Variants in PACRG observed in about 807,000 individuals in gnomAD.
PACRG encodes the protein parkin coregulated gene protein.
A neutral mutation model predicts 29.7 loss-of-function variants in PACRG; 29 were observed. The observed-to-expected ratio is 0.98, with a 90% CI of 0.73 to 1.33. The LOEUF (loss-of-function observed/expected upper bound fraction) is 1.33, where lower values mean the gene tolerates loss of function less well. Ranked by LOEUF, PACRG falls within the 40% of genes most tolerant of loss-of-function variation. PACRG has a pLI of 0.00. For synonymous variants in PACRG, 116 were observed against 118.7 expected (o/e 0.98, Z 0.15); for missense variants, 279 against 316.2 (o/e 0.88, Z 0.89).
chr6:162,995,081 G>A (rs961693656), intron 2 of PACRG, among the ~76,000 whole-genome samples: 1 of 151,262 alleles, frequency 6.6e-6, no homozygotes, highest in African/African-American at 2.5e-5. Flanking sequence ...ACCCACTTGA[G>A]GAGGCAGTCC....
intron 2 of PACRG, among the ~76,000 whole-genome samples, chr6:162,923,362 A>C (rs1329904616): frequency 6.6e-6 from 1 of 152,076 alleles, no homozygotes; most frequent in African/African-American, 2.4e-5. Context: ...TTAGTTTGAT[A>C]AAGTCCCATT....
Position 162,963,479 on chromosome 6 carries a change from C to T in PACRG, c.292-98671C>T, listed in dbSNP as rs140333246. 1.9e-3 allele frequency among the ~76,000 whole-genome samples: 284 copies of T among 151,730 alleles called. 1 individual carries two copies. Among genetic ancestry groups the T allele is most frequent in the African/African-American group, 6.4e-3 (265 of 41,448 alleles). On this transcript the variant is annotated intron_variant, in intron 2 of 4. Coordinates refer to ENST00000366888, the MANE Select transcript of PACRG (RefSeq NM_001080379.2). Reference sequence around the variant, plus strand: ...ATAAAACAGAAGTACCCAGAATTAACATTTTAATATATAGTATGTCTATTT... The same window carrying T: ...ATAAAACAGAAGTACCCAGAATTAATATTTTAATATATAGTATGTCTATTT...
At chr6:162,782,211 G>C (rs1007373742) in intron 1 of PACRG, among the ~76,000 whole-genome samples, 3 of 151,880 alleles carry the variant, frequency 2.0e-5, no homozygotes, top group African/African-American at 7.2e-5. Context: ...TCAAGAAGAT[G>C]TAACAATTCT....
At chr6:163,169,469 G>A (rs1778964748) in intron 4 of PACRG, among the ~76,000 whole-genome samples, 3 of 152,222 alleles carry the variant, frequency 2.0e-5, no homozygotes, top group African/African-American at 7.2e-5. Context: ...GGTTCAGGAC[G>A]AGAGGTGCGG....
chr6:163,061,866 G>A (rs1234428618), intron 2 of PACRG, among the ~76,000 whole-genome samples: 3 of 152,186 alleles, frequency 2.0e-5, no homozygotes, highest in Admixed American at 6.5e-5. Flanking sequence ...AAATGGTAAC[G>A]AATTAACAAA....
chr6:162,842,374 C>G (rs1789868395), intron 2 of PACRG, among the ~76,000 whole-genome samples: 1 of 148,006 alleles, frequency 6.8e-6, no homozygotes. Context: ...CTCTTTTGAT[C>G]TTTGTTGGTT....
intron 4 of PACRG, among the ~76,000 whole-genome samples, chr6:163,268,590 C>T (rs138325767): frequency 5.8e-4 from 88 of 152,132 alleles, no homozygotes; most frequent in Non-Finnish European, 9.6e-4. Flanking sequence ...GTTTGCTGTT[C>T]ATACTTTTTC....
intron 4 of PACRG, among the ~76,000 whole-genome samples, chr6:163,100,336 G>T (rs548705): frequency 1.1e-4 from 16 of 151,976 alleles, no homozygotes; most frequent in Non-Finnish European, 2.4e-4. Flanking sequence ...TGCACTGATC[G>T]CCCGGCGTGC....
At chr6:163,074,407 G>A (rs1193439103) in intron 3 of PACRG, among the ~76,000 whole-genome samples, 1 of 152,162 alleles carries the variant, frequency 6.6e-6, no homozygotes, top group African/African-American at 2.4e-5. Context: ...AGAGTAGAAG[G>A]ATGGTTACCA....
intron 4 of PACRG, among the ~76,000 whole-genome samples, chr6:163,221,190 C>T (rs1286542194): frequency 1.3e-5 from 2 of 152,160 alleles, no homozygotes; most frequent in Non-Finnish European, 2.9e-5. Context: ...AAAATAAATA[C>T]TCTATTTCCC....
intron 2 of PACRG, among the ~76,000 whole-genome samples, chr6:162,922,719 C>T (rs1210178873): frequency 6.6e-6 from 1 of 152,142 alleles, no homozygotes; most frequent in Non-Finnish European, 1.5e-5. Flanking sequence ...CCTCCAGGCT[C>T]ATCCATGTTG....
chr6:162,910,477 G>A (rs1272861523), intron 2 of PACRG, among the ~76,000 whole-genome samples: 1 of 152,060 alleles, frequency 6.6e-6, no homozygotes, highest in East Asian at 1.9e-4. Context: ...GCTCACTACT[G>A]CTAAGCTGTA....
At chr6:162,955,499 C>G (rs2128136289) in intron 2 of PACRG, among the ~76,000 whole-genome samples, 1 of 152,202 alleles carries the variant, frequency 6.6e-6, no homozygotes, top group Non-Finnish European at 1.5e-5. Flanking sequence ...CCGGGTTTGC[C>G]CATGTTGGCC....
intron 4 of PACRG, among the ~76,000 whole-genome samples, chr6:163,116,594 G>A (rs1179159145): frequency 1.3e-5 from 2 of 152,046 alleles, no homozygotes; most frequent in Admixed American, 6.5e-5. Context: ...AAATGAAAAT[G>A]TTAGCCATGG....
intron 1 of PACRG, among the ~76,000 whole-genome samples, chr6:162,745,564 A>G (rs543053121): frequency 6.6e-6 from 1 of 152,332 alleles, no homozygotes; most frequent in East Asian, 1.9e-4. Flanking sequence ...AAAATAAAAT[A>G]AAAATCTCTA....
Position 163,314,944 on chromosome 6 carries a change from T to G in PACRG, c.731T>G (p.Ile244Ser), listed in dbSNP as rs774745793. The change falls in exon 5 of 5, where the codon ATT becomes AGT. Residue 244 changes from isoleucine (I) to serine (S), a missense_variant. Coordinates refer to ENST00000366888, the MANE Select transcript of PACRG (RefSeq NM_001080379.2). ...RYGGENAFIN[I>S]KYVVPTYESC... ...GGAGGAGAAAATGCCTTTATCAACA[T>G]TAAGTACGTGGTCCCAACCTACGAG... is the stretch of plus-strand genomic sequence containing the variant. The G allele has an allele frequency of 6.2e-7, 1 of 1,614,166 alleles. No individual in the cohort carries two copies. The highest frequency in any genetic ancestry group is 8.5e-7 in the Non-Finnish European group (1 of 1,180,032).
chr6:163,280,075 C>T (rs1367027378), intron 4 of PACRG, among the ~76,000 whole-genome samples: 1 of 152,224 alleles, frequency 6.6e-6, no homozygotes, highest in Non-Finnish European at 1.5e-5. Flanking sequence ...ACCTGGCCAG[C>T]TGGCCCTTCC....
intron 4 of PACRG, among the ~76,000 whole-genome samples, chr6:163,139,481 A>G (rs947252142): frequency 6.6e-6 from 1 of 152,062 alleles, no homozygotes; most frequent in African/African-American, 2.4e-5. Context: ...TAATCTGTCT[A>G]TTTTCAGTTG....
chr6:162,766,685 T>C (rs1031779461), intron 1 of PACRG, among the ~76,000 whole-genome samples: 3 of 152,198 alleles, frequency 2.0e-5, no homozygotes, highest in East Asian at 1.9e-4. Context: ...ATATTTCTTC[T>C]TGAGTCAGTT....
Sources: gnomAD v4.1 joint callset for allele counts (sites outside exome capture counted in the v4.1 genomes callset) on GRCh38, gnomAD v4.1.1 for gene constraint, MANE v1.5 for transcripts, NCBI Gene and HGNC (gene_info 2026-07-23, HGNC 2026-07-21) for gene names.